Variants in P2RX7 observed in about 807,000 individuals in gnomAD.
P2RX7 encodes P2X purinoceptor 7.
A neutral mutation model predicts 71.6 loss-of-function variants in P2RX7; 62 were observed. The ratio of observed to expected loss-of-function variants is 0.87; its 90% confidence interval spans 0.71 to 1.07. The LOEUF (loss-of-function observed/expected upper bound fraction) is 1.07, where lower values mean the gene tolerates loss of function less well. P2RX7 is among the 50% of genes least tolerant of loss of function. The pLI is 0.00. For synonymous variants in P2RX7, 299 were observed against 283.3 expected (o/e 1.06, Z -0.56); for missense variants, 686 against 748.5 (o/e 0.92, Z 0.97).
chr12:121,167,874 G>A (rs573911218), intron 8 of P2RX7, among the ~76,000 whole-genome samples: 6 of 149,952 alleles, frequency 4.0e-5, no homozygotes, highest in East Asian at 4.0e-4. Flanking sequence ...GTGCAGTGGC[G>A]CCATCTCAGT....
At chr12:121,170,088 G>A (rs1718134) in intron 8 of P2RX7, among the ~76,000 whole-genome samples, 69,988 of 151,962 alleles carry the variant, frequency 0.46, 16,776 homozygotes, top group Non-Finnish European at 0.5. Context: ...ACTCAAAGGC[G>A]GGCTGATGCT....
intron 1 of P2RX7, among the ~76,000 whole-genome samples, chr12:121,146,777 G>A (rs890714239): frequency 7.9e-5 from 12 of 152,192 alleles, no homozygotes; most frequent in African/African-American, 2.4e-4. Flanking sequence ...ACATGAATGC[G>A]GGATGGACAG....
At chr12:121,153,584 A>T (rs1877928031) in intron 1 of P2RX7, among the ~76,000 whole-genome samples, 1 of 152,144 alleles carries the variant, frequency 6.6e-6, no homozygotes, top group Admixed American at 6.6e-5. Flanking sequence ...AGGCTGAGGC[A>T]GGAGAATCAC....
Position 121,156,086 on chromosome 12 carries a change from C to T in P2RX7, c.302C>T (p.Ser101Phe), listed in dbSNP as rs763709435. The T allele has an allele frequency of 4.3e-6, 7 of 1,613,946 alleles. No individual in the cohort carries two copies. The highest frequency in any genetic ancestry group is 5.9e-6 in the Non-Finnish European group (7 of 1,179,916). ...ADYTFPLQGNSFFVMTNFLKT... is the reference protein window; with the variant it reads ...ADYTFPLQGNFFFVMTNFLKT... ...GCCTCTCCTTCTCCACAGGGGAACTCTTTCTTCGTGATGACAAACTTTCTC... is the reference window on the plus strand; with the variant it reads ...GCCTCTCCTTCTCCACAGGGGAACTTTTTCTTCGTGATGACAAACTTTCTC... The change falls in exon 3 of 13, where the codon TCT (serine) becomes TTT (phenylalanine). Residue 101 changes from serine (S) to phenylalanine (F), a missense_variant. Coordinates refer to ENST00000328963, the MANE Select transcript of P2RX7 (RefSeq NM_002562.6).
At chr12:121,142,736 C>T (rs904380274) in intron 1 of P2RX7, among the ~76,000 whole-genome samples, 3 of 152,128 alleles carry the variant, frequency 2.0e-5, no homozygotes, top group African/African-American at 4.8e-5. Flanking sequence ...CTTATAAGGA[C>T]GCGTGTAATA....
intron 8 of P2RX7, among the ~76,000 whole-genome samples, chr12:121,174,015 T>C (rs1212015461): frequency 6.6e-6 from 1 of 151,298 alleles, no homozygotes; most frequent in Non-Finnish European, 1.5e-5. Flanking sequence ...AAAACATTTT[T>C]GAAAAAAACT....
intron 1 of P2RX7, 22 bp downstream of exon 1, chr12:121,133,117 C>T (rs760219552): frequency 3.1e-6 from 5 of 1,613,808 alleles, no homozygotes; most frequent in Non-Finnish European, 4.2e-6. Context: ...CTGGGGAGGA[C>T]CCAGATCTCT....
chr12:121,184,683 C>A lies in P2RX7; in HGVS notation c.1669C>A (p.Arg557Ser), dbSNP rs537849901. The A allele has an allele frequency of 3.3e-5, 52 of 1,577,042 alleles. No individual in the cohort carries two copies. Among genetic ancestry groups the A allele is most frequent in the Non-Finnish European group, 4.2e-5 (49 of 1,161,426 alleles). Residue 557 changes from arginine to serine, a missense_variant, in exon 13 of 13, where the codon CGC (arginine) becomes AGC (serine). Transcript: ENST00000328963. ...TGCCTACAGGTGCTACGCCACCTGG[C>A]GCTTCGGCTCCCAGGACATGGCTGA... ...HCAYRCYATW[R>S]FGSQDMADFA...
At chr12:121,138,530 G>A (rs180723587) in intron 1 of P2RX7, among the ~76,000 whole-genome samples, 9 of 152,360 alleles carry the variant, frequency 5.9e-5, no homozygotes, top group African/African-American at 1.9e-4. Flanking sequence ...GAAGACGAGG[G>A]AGCCGTGTGA....
rs1320615880 is a variant in P2RX7, at chr12:121,177,587, C to G, written c.1188+141C>G. The G allele has an allele frequency of 3.7e-6, 3 of 808,708 alleles. No individual in the cohort carries two copies. The African/African-American group carries it at 5.2e-5, about 14-fold the overall frequency. 50.1% of individuals were successfully genotyped at this position (808,708 alleles called of 1,614,324 possible). A position where few individuals can be genotyped will look rare whatever the true frequency, so the allele number is the denominator to read the frequency against. On this transcript the variant is annotated intron_variant, in intron 11 of 12. Coordinates refer to ENST00000328963, the MANE Select transcript of P2RX7 (RefSeq NM_002562.6). ...TGGGTTCTACCCCGATCAACCAACTCTCAGATAAATTTTTTGGTCTTAGAG... is the reference window on the plus strand; with the variant it reads ...TGGGTTCTACCCCGATCAACCAACTGTCAGATAAATTTTTTGGTCTTAGAG...
intron 9 of P2RX7, 120 bp downstream of exon 9, chr12:121,175,598 C>CCAGCTA: frequency 1.6e-6 from 1 of 642,650 alleles, no homozygotes; most frequent in Non-Finnish European, 2.9e-6. Context: ...CTGGGCATTT[C>CCAGCTA]GCACATGGGA....
At chr12:121,173,931 G>T (rs1459565487) in intron 8 of P2RX7, among the ~76,000 whole-genome samples, 1 of 151,946 alleles carries the variant, frequency 6.6e-6, no homozygotes, top group Non-Finnish European at 1.5e-5. Flanking sequence ...GAAGCCAGGA[G>T]TTCAAGGCTG....
rs1273331233 is a variant in P2RX7 at position 121,177,353 on chromosome 12, C to A, written c.1095C>A (p.Ser365=). 3.7e-6 allele frequency: 6 copies of A among 1,613,856 alleles called. No individual in the cohort carries two copies. Among genetic ancestry groups the A allele is most frequent in the Non-Finnish European group, 1.7e-6 (2 of 1,179,984 alleles). Residue 365 remains serine, a synonymous_variant, in exon 11 of 13, where the codon TCC becomes TCA. Transcript: ENST00000328963. ...CTTACTCCAGTAACTGCTGTCGCTC[C>A]CATATTTATCCCTGGTGCAAGTGCT... ...IDTYSSNCCR[S]HIYPWCKCCQ...
intron 1 of P2RX7, among the ~76,000 whole-genome samples, chr12:121,145,785 C>A (rs952409029): frequency 2.0e-5 from 3 of 152,114 alleles, no homozygotes; most frequent in East Asian, 1.9e-4. Context: ...GGATTACAGG[C>A]GTGAGCCACC....
At chr12:121,169,484 T>A (rs1021118692) in intron 8 of P2RX7, among the ~76,000 whole-genome samples, 8 of 152,208 alleles carry the variant, frequency 5.3e-5, no homozygotes, top group African/African-American at 1.9e-4. Flanking sequence ...TATGCAAAGT[T>A]CTGCATGTGC....
chr12:121,133,204 T>C (rs1349329119), intron 1 of P2RX7, 109 bp downstream of exon 1: 2 of 1,281,692 alleles, frequency 1.6e-6, no homozygotes, highest in Non-Finnish European at 2.2e-6. Context: ...TTTTCGAATC[T>C]GAGACGTGCT....
At chr12:121,146,022 C>T (rs1028470120) in intron 1 of P2RX7, among the ~76,000 whole-genome samples, 1 of 152,190 alleles carries the variant, frequency 6.6e-6, no homozygotes, top group African/African-American at 2.4e-5. Flanking sequence ...ACAAGGAAAG[C>T]TCGTTCTGCT....
rs978864591 is a variant in P2RX7, at chr12:121,146,879, G to A, written c.126-7906G>A. 7.9e-5 allele frequency among the ~76,000 whole-genome samples: 12 copies of A among 152,262 alleles called. 1 individual carries two copies. Among genetic ancestry groups the A allele is most frequent in the Middle Eastern group, 3.4e-3 (1 of 294 alleles). On this transcript the variant is annotated intron_variant, in intron 1 of 12. Coordinates refer to ENST00000328963, the MANE Select transcript of P2RX7 (RefSeq NM_002562.6). ...ATGCCCGCTTTCACCGCTGCTGTTCGACATTGTACTGGAAGTTCTAGCCAG... is the reference window on the plus strand; with the variant it reads ...ATGCCCGCTTTCACCGCTGCTGTTCAACATTGTACTGGAAGTTCTAGCCAG...
At chr12:121,170,013 G>A (rs1185373141) in intron 8 of P2RX7, among the ~76,000 whole-genome samples, 1 of 152,122 alleles carries the variant, frequency 6.6e-6, no homozygotes, top group Non-Finnish European at 1.5e-5. Context: ...CTTATACCTG[G>A]CCCACATCAC....
Sources: allele counts gnomAD v4.1 joint callset (sites outside exome capture counted in the v4.1 genomes callset), GRCh38; gene constraint gnomAD v4.1.1; transcripts MANE v1.5; gene names NCBI Gene and HGNC (gene_info 2026-07-23, HGNC 2026-07-21).